Variants in SLC22A25 observed in about 807,000 individuals in gnomAD.
SLC22A25 encodes the protein solute carrier family 22 member 25, also known as MGI:2442751, MGI:2385316, MGI:3042283, MGI:3645714, MGI:3605624, MGI:2442750.
A neutral mutation model predicts 45.9 loss-of-function variants in SLC22A25; 44 were observed. The observed-to-expected ratio is 0.96, with a 90% CI of 0.75 to 1.23. The LOEUF is 1.23. Among genes scored for constraint, SLC22A25 ranks in the 50% most tolerant of loss-of-function variants. The probability of loss-of-function intolerance (pLI) is 0.00; values close to 1 mark genes in which losing one functional copy is unlikely to be tolerated. For synonymous variants in SLC22A25, 283 were observed against 238.6 expected (o/e 1.19, Z -1.72); for missense variants, 800 against 666.4 (o/e 1.20, Z -2.21).
At chr11:63,204,674 A>G (rs187192450) in intron 7 of SLC22A25, among the ~76,000 whole-genome samples, 27 of 152,304 alleles carry the variant, frequency 1.8e-4, no homozygotes, top group Non-Finnish European at 3.4e-4. Context: ...GTTCTTAGAG[A>G]CCTACAAAGA....
Position 63,243,542 on chromosome 11 carries a change from G to T in SLC22A25, c.-1104C>A, listed in dbSNP as rs1294946623. On this transcript the variant is annotated 5_prime_UTR_variant, in exon 1 of 12. Coordinates refer to ENST00000306494, the MANE Select transcript of SLC22A25 (RefSeq NM_199352.6). Reference sequence around the variant, plus strand: ...GCTCAAAGAGTCCAGCCCACTGACTGCCAAAAAGCTGTGCATTTATACCGA... The same window carrying T: ...GCTCAAAGAGTCCAGCCCACTGACTTCCAAAAAGCTGTGCATTTATACCGA... 4 of 762,648 alleles carry T rather than the reference G, an allele frequency of 5.2e-6. No individual in the cohort carries two copies. The highest frequency in any genetic ancestry group is 3.5e-5 in the Admixed American group (2 of 57,522). The allele number at this position is 762,648 out of a possible 1,614,324, so 47.2% of individuals were successfully genotyped here.
intron 7 of SLC22A25, among the ~76,000 whole-genome samples, chr11:63,190,379 G>A (rs554142358): frequency 8.8e-4 from 134 of 152,102 alleles, no homozygotes; most frequent in Admixed American, 3.2e-3. Context: ...TTCTCGTGTC[G>A]TGGTTTTCAG....
chr11:63,242,841 C>T (rs949783224), intron 1 of SLC22A25, among the ~76,000 whole-genome samples: 13 of 152,064 alleles, frequency 8.5e-5, no homozygotes, highest in Admixed American at 2.6e-4. Context: ...AGGTGGAGTT[C>T]GAAGGGGAGG....
At chr11:63,164,446 G>T in intron 11 of SLC22A25, 80 bp downstream of exon 11, 1 of 1,233,538 alleles carries the variant, frequency 8.1e-7, no homozygotes, top group Non-Finnish European at 1.2e-6. Flanking sequence ...ACTTGTCTTG[G>T]ATTTTTTTCC....
At chr11:63,205,264 G>A (rs1322931624) in intron 7 of SLC22A25, among the ~76,000 whole-genome samples, 1 of 152,000 alleles carries the variant, frequency 6.6e-6, no homozygotes, top group African/African-American at 2.4e-5. Context: ...AGAGAAGTAA[G>A]AGTAAACAAA....
chr11:63,211,130 G>T (rs1050871250), intron 7 of SLC22A25, among the ~76,000 whole-genome samples: 1 of 152,088 alleles, frequency 6.6e-6, no homozygotes, highest in Non-Finnish European at 1.5e-5. Context: ...AACCCCCCTG[G>T]ACTTGCTGCA....
chr11:63,230,772 G>T (rs1356315878), intron 3 of SLC22A25, among the ~76,000 whole-genome samples: 1 of 152,136 alleles, frequency 6.6e-6, no homozygotes, highest in African/African-American at 2.4e-5. Flanking sequence ...TTTACATTAG[G>T]TATATCTCCT....
At chr11:63,170,662 G>A (rs777848813) in intron 9 of SLC22A25, among the ~76,000 whole-genome samples, 27 of 152,082 alleles carry the variant, frequency 1.8e-4, no homozygotes, top group Non-Finnish European at 3.2e-4. Flanking sequence ...CTGAAATTGA[G>A]GCAGTAAATA....
intron 7 of SLC22A25, among the ~76,000 whole-genome samples, chr11:63,213,868 G>A (rs2089642998): frequency 1.3e-5 from 2 of 152,192 alleles, no homozygotes; most frequent in South Asian, 2.1e-4. Context: ...GATGGGGTGC[G>A]ATATGCAAGG....
chr11:63,217,622 C>A lies in SLC22A25; in HGVS notation c.620G>T (p.Gly207Val), dbSNP rs2089749671. 4 of 1,613,750 alleles carry A rather than the reference C, an allele frequency of 2.5e-6. No homozygotes were observed. Among genetic ancestry groups the A allele is most frequent in the Non-Finnish European group, 3.4e-6 (4 of 1,179,952 alleles). ...TACAATGATGCTAAATGTAGCAGCC[C>A]CAGCCAAGAAGCGCAGGGAGCAGTA... ...LVYCSLRFLA[G>V]AATFSIIVNT... Residue 207 changes from glycine (G) to valine (V), a missense_variant, in exon 6 of 12, where the codon GGG (glycine) becomes GTG (valine). Coordinates refer to ENST00000306494, the MANE Select transcript of SLC22A25 (RefSeq NM_199352.6).
At chr11:63,199,758 C>T (rs1388402683) in intron 7 of SLC22A25, among the ~76,000 whole-genome samples, 1 of 151,950 alleles carries the variant, frequency 6.6e-6, no homozygotes, top group Non-Finnish European at 1.5e-5. Context: ...CAAGACAACC[C>T]TAAAAAAACA....
At chr11:63,175,760 CA>C (rs2088062415) in intron 9 of SLC22A25, among the ~76,000 whole-genome samples, 1 of 151,616 alleles carries the variant, frequency 6.6e-6, no homozygotes, top group Non-Finnish European at 1.5e-5. Context: ...AATCCATTTT[CA>C]GTTGATTTTT....
At chr11:63,206,575 A>T (rs1282269578) in intron 7 of SLC22A25, among the ~76,000 whole-genome samples, 4 of 152,236 alleles carry the variant, frequency 2.6e-5, no homozygotes, top group Admixed American at 6.5e-5. Flanking sequence ...AATAGAACTC[A>T]CAAGGGATGT....
intron 7 of SLC22A25, among the ~76,000 whole-genome samples, chr11:63,187,421 C>T (rs922623383): frequency 7.9e-5 from 12 of 152,156 alleles, no homozygotes; most frequent in African/African-American, 2.2e-4. Flanking sequence ...GCTGAAGTTG[C>T]TTATCAGCTT....
In SLC22A25 at chr11:63,180,684, C is replaced by CT. The variant is rs746162712; in HGVS notation, c.1045dup (p.Arg349LysfsTer110). ...CCTCACAAAGGACAGGAAACAGATT[C>CT]TTTTACATATGTTGGGTATGCGGAG... is the stretch of plus-strand genomic sequence containing the variant. On this transcript the variant is annotated frameshift_variant, in exon 9 of 12. Transcript: ENST00000306494. LOFTEE classifies it high-confidence loss of function. The CT allele has an allele frequency of 6.2e-7, 1 of 1,612,680 alleles. No individual in the cohort carries two copies. Among genetic ancestry groups the CT allele is most frequent in the Non-Finnish European group, 8.5e-7 (1 of 1,179,290 alleles).
At chr11:63,241,245 A>T (rs2090243067) in intron 1 of SLC22A25, among the ~76,000 whole-genome samples, 1 of 152,178 alleles carries the variant, frequency 6.6e-6, no homozygotes, top group South Asian at 2.1e-4. Flanking sequence ...CCATGGGGAG[A>T]TGTGAACCTG....
At chr11:63,219,988 A>T in intron 5 of SLC22A25, 1 of 1,289,296 alleles carries the variant, frequency 7.8e-7, no homozygotes. Context: ...CGTCACAATC[A>T]GTGGAGACAT....
At chr11:63,239,588 T>C (rs895375531) in intron 1 of SLC22A25, among the ~76,000 whole-genome samples, 1 of 152,228 alleles carries the variant, frequency 6.6e-6, no homozygotes, top group Non-Finnish European at 1.5e-5. Flanking sequence ...TCTTGTTCAG[T>C]ATTGAATTTG....
chr11:63,210,135 GAAAACC>G (rs554228142), intron 7 of SLC22A25, among the ~76,000 whole-genome samples: 1 of 152,212 alleles, frequency 6.6e-6, no homozygotes, highest in Non-Finnish European at 1.5e-5. Context: ...AGAGGCTCCT[GAAAACC>G]AAAATATGAT....
Sources: gnomAD v4.1 joint callset for allele counts (sites outside exome capture counted in the v4.1 genomes callset) on GRCh38, gnomAD v4.1.1 for gene constraint, MANE v1.5 for transcripts, NCBI Gene and HGNC (gene_info 2026-07-23, HGNC 2026-07-21) for gene names.